IL1RAPL1: variants seen among roughly 807,000 people sequenced by gnomAD.
IL1RAPL1 encodes the protein interleukin 1 receptor accessory protein like 1.
Under a neutral mutation model 48.4 loss-of-function variants are expected in IL1RAPL1, and 3 were observed. That is an observed-to-expected ratio of 0.06 (90% CI 0.03 to 0.16). The LOEUF is 0.16. Among genes scored for constraint, IL1RAPL1 ranks in the 10% least tolerant of loss-of-function variants. The pLI, the probability that IL1RAPL1 is intolerant of heterozygous loss-of-function variation, is 1.00. For synonymous variants in IL1RAPL1, 185 were observed against 187.7 expected, an observed-to-expected ratio of 0.99 and a Z score of 0.12; for missense variants, 349 against 530.6, an observed-to-expected ratio of 0.66 and a Z score of 3.36.
intron 5 of IL1RAPL1, among the ~76,000 whole-genome samples, chrX:29,416,693 T>A (rs1270173399): frequency 8.9e-6 from 1 of 112,070 alleles, no homozygotes; most frequent in Non-Finnish European, 1.9e-5. Flanking sequence ...TACAAATTGT[T>A]TTTTAAAAAA....
intron 5 of IL1RAPL1, among the ~76,000 whole-genome samples, chrX:29,538,338 C>T (rs867141128): frequency 1.2e-4 from 10 of 83,560 alleles, no homozygotes; most frequent in East Asian, 3.8e-4. Context: ...CTTTTCTTTT[C>T]TTTTTTTTTT....
chrX:29,836,083 T>C (rs1366066027), intron 6 of IL1RAPL1, among the ~76,000 whole-genome samples: 1 of 110,174 alleles, frequency 9.1e-6, no homozygotes, highest in Admixed American at 9.8e-5. Context: ...TTGAGGTCCA[T>C]TGTTAGGTTG....
chrX:29,668,914 T>G (rs12115871), intron 6 of IL1RAPL1, among the ~76,000 whole-genome samples: 13,032 of 111,343 alleles, frequency 0.12, 697 homozygotes, highest in Middle Eastern at 0.22. Flanking sequence ...AATGTCACCA[T>G]TATGGTTAAA....
chrX:28,922,958 A>G (rs752677955), intron 2 of IL1RAPL1, among the ~76,000 whole-genome samples: 26 of 112,022 alleles, frequency 2.3e-4, no homozygotes, highest in Non-Finnish European at 4.3e-4. Context: ...TGACCTGTAA[A>G]TCTGTTAAAT....
chrX:29,681,965 A>G (rs1926465310), intron 6 of IL1RAPL1, among the ~76,000 whole-genome samples: 1 of 111,673 alleles, frequency 9.0e-6, no homozygotes, highest in African/African-American at 3.3e-5. Flanking sequence ...GTGTTTCCAA[A>G]TAGATGAGAA....
chrX:29,357,229 A>C (rs1933317218), intron 3 of IL1RAPL1, among the ~76,000 whole-genome samples: 1 of 112,144 alleles, frequency 8.9e-6, no homozygotes, highest in Admixed American at 9.5e-5. Flanking sequence ...ATCAAAGAAT[A>C]TTTTCTGTCA....
intron 1 of IL1RAPL1, among the ~76,000 whole-genome samples, chrX:28,709,974 T>A (rs1935420789): frequency 8.9e-6 from 1 of 112,142 alleles, no homozygotes; most frequent in African/African-American, 3.2e-5. Context: ...TTTAGTGTAC[T>A]CTGAAGTATT....
intron 6 of IL1RAPL1, among the ~76,000 whole-genome samples, chrX:29,881,813 ATTCTT>A (rs1932038135): frequency 8.9e-6 from 1 of 111,799 alleles, no homozygotes; most frequent in Non-Finnish European, 1.9e-5. Context: ...TGAATAATTT[ATTCTT>A]TTCTTATATG....
At chrX:28,996,617 A>ATT (rs907938654) in intron 2 of IL1RAPL1, among the ~76,000 whole-genome samples, 6 of 106,757 alleles carry the variant, frequency 5.6e-5, no homozygotes, top group African/African-American at 2.3e-4. Context: ...AACAATTGTT[A>ATT]TTTTGTGTGT....
chrX:29,598,010 TG>T (rs760305090), intron 5 of IL1RAPL1, among the ~76,000 whole-genome samples: 3 of 111,863 alleles, frequency 2.7e-5, no homozygotes, highest in Non-Finnish European at 5.6e-5. Context: ...TGTAATTTTT[TG>T]TTTCTGTTTC....
intron 2 of IL1RAPL1, among the ~76,000 whole-genome samples, chrX:28,814,387 A>ATG (rs1320012212): frequency 1.8e-4 from 14 of 77,861 alleles, no homozygotes; most frequent in African/African-American, 6.1e-4. Flanking sequence ...GTGTATGTGT[A>ATG]TGTGTGTGTG....
chrX:29,259,204 G>A (rs1931808732), intron 2 of IL1RAPL1, among the ~76,000 whole-genome samples: 1 of 111,355 alleles, frequency 9.0e-6, no homozygotes, highest in South Asian at 3.7e-4. Flanking sequence ...ACTGTTTGAA[G>A]TTTCATTTTC....
intron 2 of IL1RAPL1, among the ~76,000 whole-genome samples, chrX:29,012,497 T>G (rs1461761857): frequency 2.7e-5 from 3 of 111,354 alleles, no homozygotes; most frequent in African/African-American, 9.8e-5. Context: ...TGAGCCGAGA[T>G]CATGCCATTG....
At chrX:29,430,864 A>G (rs912967498) in intron 5 of IL1RAPL1, among the ~76,000 whole-genome samples, 1 of 110,789 alleles carries the variant, frequency 9.0e-6, no homozygotes, top group Non-Finnish European at 1.9e-5. Flanking sequence ...AGGTTTGTCT[A>G]TTAATAAGAT....
chrX:29,351,205 G>A (rs955079208), intron 3 of IL1RAPL1, among the ~76,000 whole-genome samples: 5 of 111,998 alleles, frequency 4.5e-5, no homozygotes, highest in African/African-American at 1.6e-4. Context: ...TATTGAAGTG[G>A]TATAGATGTT....
At chrX:29,202,256 A>G (rs1930570894) in intron 2 of IL1RAPL1, among the ~76,000 whole-genome samples, 1 of 112,237 alleles carries the variant, frequency 8.9e-6, no homozygotes, top group African/African-American at 3.2e-5. Context: ...CAATCATGAA[A>G]AAAAGCTCAA....
At chrX:29,691,713 C>T (rs1030828443) in intron 6 of IL1RAPL1, among the ~76,000 whole-genome samples, 3 of 96,892 alleles carry the variant, frequency 3.1e-5, no homozygotes, top group African/African-American at 4.1e-5. Flanking sequence ...CACTGCAGTC[C>T]GCAGTCCGGC....
intron 3 of IL1RAPL1, among the ~76,000 whole-genome samples, chrX:29,336,432 T>G (rs1932998588): frequency 9.4e-6 from 1 of 106,320 alleles, no homozygotes; most frequent in East Asian, 2.9e-4. Context: ...TTCTTTTGTT[T>G]TTAAGGATAT....
chrX:28,930,441 G>T (rs890537022), intron 2 of IL1RAPL1, among the ~76,000 whole-genome samples: 1 of 111,236 alleles, frequency 9.0e-6, no homozygotes, highest in Non-Finnish European at 1.9e-5. Flanking sequence ...TTTAGAATTA[G>T]TTTTTTCACT....
Sources: gnomAD v4.1 joint callset for allele counts (sites outside exome capture counted in the v4.1 genomes callset) on GRCh38, gnomAD v4.1.1 for gene constraint, MANE v1.5 for transcripts, NCBI Gene and HGNC (gene_info 2026-07-23, HGNC 2026-07-21) for gene names.